Variants in TGFA observed in about 807,000 individuals in gnomAD.
TGFA encodes protransforming growth factor alpha.
TGFA carries 12 observed loss-of-function variants against 21.7 expected under a neutral mutation model. The observed-to-expected ratio is 0.55, with a 90% confidence interval of 0.35 to 0.90. The LOEUF is 0.90. TGFA is among the 40% of genes least tolerant of loss of function. The probability of loss-of-function intolerance (pLI) is 0.01; values close to 1 mark genes in which losing one functional copy is unlikely to be tolerated. For missense variants in TGFA, 178 were observed against 210.8 expected (o/e 0.84, Z 0.96); for synonymous variants, 79 against 88.1 (o/e 0.90, Z 0.58).
chr2:70,515,430 G>A (rs1574122603), intron 1 of TGFA, among the ~76,000 whole-genome samples: 1 of 152,160 alleles, frequency 6.6e-6, no homozygotes, highest in East Asian at 1.9e-4. Flanking sequence ...GACAGAGTGT[G>A]TAAGGGAGCA....
At chr2:70,493,616 T>C (rs1200381257) in intron 2 of TGFA, among the ~76,000 whole-genome samples, 1 of 152,084 alleles carries the variant, frequency 6.6e-6, no homozygotes, top group Non-Finnish European at 1.5e-5. Context: ...AAAAGGAAAA[T>C]GCTAACAACA....
At chr2:70,513,146 G>T (rs1466809175) in intron 2 of TGFA, among the ~76,000 whole-genome samples, 1 of 152,182 alleles carries the variant, frequency 6.6e-6, no homozygotes, top group Non-Finnish European at 1.5e-5. Flanking sequence ...ATCAAAATGA[G>T]TGGTAACCCC....
At chr2:70,538,611 G>A (rs1280798265) in intron 1 of TGFA, among the ~76,000 whole-genome samples, 1 of 152,092 alleles carries the variant, frequency 6.6e-6, no homozygotes, top group Non-Finnish European at 1.5e-5. Context: ...CAAGAGAACT[G>A]GAATTAGAAG....
At chr2:70,456,199 A>G in intron 4 of TGFA, 140 bp downstream of exon 4, 1 of 1,189,308 alleles carries the variant, frequency 8.4e-7, no homozygotes, top group Non-Finnish European at 1.2e-6. Flanking sequence ...TCATCAAAGT[A>G]GCATTTAGCT....
chr2:70,470,185 G>A (rs1553492985), intron 2 of TGFA, among the ~76,000 whole-genome samples: 2 of 151,926 alleles, frequency 1.3e-5, no homozygotes, highest in African/African-American at 4.8e-5. Flanking sequence ...AAGAGGGGAG[G>A]GAGGGAAACA....
intron 2 of TGFA, among the ~76,000 whole-genome samples, chr2:70,506,339 G>A (rs1363889271): frequency 1.3e-5 from 2 of 152,202 alleles, no homozygotes; most frequent in African/African-American, 2.4e-5. Context: ...TCTGGTGAGA[G>A]TATCTCAGCC....
intron 2 of TGFA, among the ~76,000 whole-genome samples, chr2:70,485,912 G>A (rs1553496541): frequency 1.3e-5 from 2 of 152,298 alleles, no homozygotes; most frequent in Admixed American, 6.5e-5. Context: ...CAGGGGCAAC[G>A]CTGTATCCTT....
chr2:70,533,665 A>AACTGTTAACAAATTAACTGTGTTAAC (rs1672886320), intron 1 of TGFA, among the ~76,000 whole-genome samples: 1 of 152,234 alleles, frequency 6.6e-6, no homozygotes, highest in Non-Finnish European at 1.5e-5. Flanking sequence ...GTTAACTGTT[A>AACTGTTAACAAATTAACTGTGTTAAC]ACTGTTAACA....
At chr2:70,474,978 G>GTGTA (rs1670878655) in intron 2 of TGFA, among the ~76,000 whole-genome samples, 1 of 151,298 alleles carries the variant, frequency 6.6e-6, no homozygotes, top group African/African-American at 2.4e-5. Flanking sequence ...CCGTGTGTGT[G>GTGTA]TGTGTGTGTG....
At chr2:70,468,062 CAA>C (rs1553492615) in intron 2 of TGFA, among the ~76,000 whole-genome samples, 2 of 152,206 alleles carry the variant, frequency 1.3e-5, no homozygotes, top group East Asian at 1.9e-4. Flanking sequence ...GTTCTGTACT[CAA>C]GAGATTGTCT....
chr2:70,484,013 G>A (rs1310635630), intron 2 of TGFA, among the ~76,000 whole-genome samples: 1 of 152,126 alleles, frequency 6.6e-6, no homozygotes, highest in Non-Finnish European at 1.5e-5. Context: ...AACTGGCCTG[G>A]CCTTATTCCC....
intron 1 of TGFA, among the ~76,000 whole-genome samples, chr2:70,548,642 G>GA (rs1673390786): frequency 6.6e-6 from 1 of 152,202 alleles, no homozygotes; most frequent in African/African-American, 2.4e-5. Context: ...AGCTCCATGT[G>GA]AAACAAATTT....
intron 2 of TGFA, among the ~76,000 whole-genome samples, chr2:70,512,102 G>A (rs111239951): frequency 2.0e-3 from 297 of 152,236 alleles, no homozygotes; most frequent in African/African-American, 6.8e-3. Context: ...CACCCTAAAG[G>A]AAAGAAAGTT....
intron 1 of TGFA, among the ~76,000 whole-genome samples, chr2:70,550,995 C>G (rs190390262): frequency 6.6e-6 from 1 of 152,192 alleles, no homozygotes; most frequent in East Asian, 1.9e-4. Context: ...AAACGAAAAC[C>G]TACAAACTCT....
intron 3 of TGFA, among the ~76,000 whole-genome samples, chr2:70,461,184 C>G (rs1051696037): frequency 7.2e-5 from 11 of 152,292 alleles, no homozygotes; most frequent in African/African-American, 2.6e-4. Flanking sequence ...TCTGCCTGAC[C>G]TCCCATCCAT....
At chr2:70,470,645 A>G (rs1553493038) in intron 2 of TGFA, among the ~76,000 whole-genome samples, 1 of 152,212 alleles carries the variant, frequency 6.6e-6, no homozygotes, top group Non-Finnish European at 1.5e-5. Context: ...CAAGCTGTGA[A>G]GAAGCTCCAT....
intron 2 of TGFA, among the ~76,000 whole-genome samples, chr2:70,471,107 G>A (rs1451414924): frequency 1.7e-5 from 2 of 118,034 alleles, no homozygotes; most frequent in African/African-American, 3.7e-5. Flanking sequence ...TCTCCTCCCC[G>A]CACCCCCCCC....
At chr2:70,479,865 A>C (rs1398010118) in intron 2 of TGFA, among the ~76,000 whole-genome samples, 1 of 152,216 alleles carries the variant, frequency 6.6e-6, no homozygotes, top group Non-Finnish European at 1.5e-5. Flanking sequence ...TAGATTATTC[A>C]ATATCTTTAC....
At chr2:70,527,283 C>T (rs1284332132) in intron 1 of TGFA, among the ~76,000 whole-genome samples, 1 of 152,168 alleles carries the variant, frequency 6.6e-6, no homozygotes, top group African/African-American at 2.4e-5. Context: ...AATAAATAAG[C>T]ATCAAGTCAC....
Sources: gnomAD v4.1 joint callset for allele counts (sites outside exome capture counted in the v4.1 genomes callset) on GRCh38, gnomAD v4.1.1 for gene constraint, MANE v1.5 for transcripts, NCBI Gene and HGNC (gene_info 2026-07-23, HGNC 2026-07-21) for gene names.